Variants in TRIM63 observed in about 807,000 individuals in gnomAD.
TRIM63 encodes the protein E3 ubiquitin-protein ligase TRIM63.
A neutral mutation model predicts 46.0 loss-of-function variants in TRIM63; 48 were observed. The observed-to-expected ratio is 1.04, with a 90% CI of 0.83 to 1.33. TRIM63 has a LOEUF of 1.33. TRIM63 is among the 40% of genes most tolerant of loss of function. The pLI, the probability that TRIM63 is intolerant of heterozygous loss-of-function variation, is 0.00. For missense variants in TRIM63, 455 were observed against 441.2 expected (o/e 1.03, Z -0.28); for synonymous variants, 175 against 162.8 (o/e 1.08, Z -0.57).
chr1:26,054,974 A>G (rs1052298679), intron 7 of TRIM63, among the ~76,000 whole-genome samples: 3 of 151,954 alleles, frequency 2.0e-5, no homozygotes, highest in Non-Finnish European at 2.9e-5. Context: ...GTCTCAAAAA[A>G]AAAAAAAAAA....
chr1:26,067,575 G>C lies in TRIM63; in HGVS notation c.-81C>G, dbSNP rs2050690162. 1.7e-5 allele frequency: 25 copies of C among 1,504,302 alleles called. No individual in the cohort carries two copies. Among genetic ancestry groups the C allele is most frequent in the Non-Finnish European group, 2.2e-5 (25 of 1,111,510 alleles). 93.2% of individuals were successfully genotyped at this position (1,504,302 alleles called of 1,614,324 possible). On this transcript the variant is annotated 5_prime_UTR_variant, in exon 1 of 9. Transcript: ENST00000374272. ...AAGTAGACCTGGGGGTCTTGCCTTT[G>C]TCACAAAACACCGGGTCGGATCCTG...
chr1:26,061,317 C>A lies in TRIM63; in HGVS notation c.350G>T (p.Gly117Val), dbSNP rs771401489. The A allele has an allele frequency of 1.9e-6, 3 of 1,613,956 alleles. No individual in the cohort carries two copies. Among genetic ancestry groups the A allele is most frequent in the Non-Finnish European group, 2.5e-6 (3 of 1,179,960 alleles). Residue 117 changes from glycine to valine, a missense_variant, in exon 3 of 9, where the codon GGC becomes GTC. Coordinates refer to ENST00000374272, the MANE Select transcript of TRIM63 (RefSeq NM_032588.4). ...GTGCTCCTTGCACATGGGGTGACTGCCCTTCTGCAGCGGCCGACTGCAGTG... is the reference window on the plus strand; with the variant it reads ...GTGCTCCTTGCACATGGGGTGACTGACCTTCTGCAGCGGCCGACTGCAGTG... ...QECSSRPLQK[G>V]SHPMCKEHED...
intron 2 of TRIM63, among the ~76,000 whole-genome samples, chr1:26,065,936 G>A (rs896351730): frequency 6.6e-6 from 1 of 152,234 alleles, no homozygotes; most frequent in Non-Finnish European, 1.5e-5. Flanking sequence ...CAACCTGGCT[G>A]TTTCTCACCG....
chr1:26,066,413 C>T lies in TRIM63; in HGVS notation c.187G>A (p.Gly63Ser), dbSNP rs781284832. ...CCTCCAGACATGGACACTGAGCTGC[C>T]CCGGCTGGTCCAGTAGGGATTTGCA... ...QAANPYWTSR[G>S]SSVSMSGGRF... The change falls in exon 2 of 9, where the codon GGC (glycine) becomes AGC (serine). Residue 63 changes from glycine to serine, a missense_variant. Coordinates refer to ENST00000374272, the MANE Select transcript of TRIM63 (RefSeq NM_032588.4). 21 of 1,603,520 alleles carry T rather than the reference C, an allele frequency of 1.3e-5. No individual in the cohort carries two copies. Among genetic ancestry groups the T allele is most frequent in the African/African-American group, 4.0e-5 (3 of 74,808 alleles).
intron 2 of TRIM63, among the ~76,000 whole-genome samples, chr1:26,063,468 A>G (rs144417270): frequency 4.6e-5 from 7 of 152,046 alleles, no homozygotes; most frequent in Non-Finnish European, 1.0e-4. Flanking sequence ...GTCTTTTTGC[A>G]TAGTTTACCC....
intron 8 of TRIM63, among the ~76,000 whole-genome samples, chr1:26,052,419 G>C (rs527801815): frequency 3.3e-5 from 5 of 152,300 alleles, no homozygotes; most frequent in African/African-American, 1.2e-4. Context: ...GACTGGTGGT[G>C]GTGGGGCTGG....
chr1:26,057,449 A>G (rs1469139802), intron 6 of TRIM63, 122 bp from the exon 7 acceptor site: 6 of 1,428,854 alleles, frequency 4.2e-6, no homozygotes, highest in Non-Finnish European at 5.7e-6. Flanking sequence ...GGGATGGAGT[A>G]TTTCCTCTCC....
At chr1:26,056,342 T>C (rs2050570091) in intron 7 of TRIM63, among the ~76,000 whole-genome samples, 1 of 152,206 alleles carries the variant, frequency 6.6e-6, no homozygotes, top group African/African-American at 2.4e-5. Context: ...GAGGACATGA[T>C]GTTGATCAAT....
chr1:26,063,272 T>C (rs1006605528), intron 2 of TRIM63, among the ~76,000 whole-genome samples: 7 of 152,080 alleles, frequency 4.6e-5, no homozygotes, highest in African/African-American at 1.4e-4. Context: ...GGCTAGACTA[T>C]ACACTCATTG....
chr1:26,064,665 T>C (rs2050658612), intron 2 of TRIM63, among the ~76,000 whole-genome samples: 1 of 152,234 alleles, frequency 6.6e-6, no homozygotes, highest in Admixed American at 6.5e-5. Context: ...AAATGGTTGA[T>C]ACATTAACCA....
At chr1:26,052,272 G>T (rs1162938732) in intron 8 of TRIM63, among the ~76,000 whole-genome samples, 1 of 152,164 alleles carries the variant, frequency 6.6e-6, no homozygotes, top group Non-Finnish European at 1.5e-5. Context: ...CCCATACACA[G>T]ATGAGTAGCC....
chr1:26,060,094 C>G (rs1201979554), intron 4 of TRIM63, among the ~76,000 whole-genome samples, 172 bp downstream of exon 4: 2 of 152,142 alleles, frequency 1.3e-5, no homozygotes, highest in African/African-American at 2.4e-5. Flanking sequence ...GCTTAAGAAG[C>G]ATTTGTTGAG....
At chr1:26,066,178 A>G in intron 2 of TRIM63, 90 bp downstream of exon 2, 3 of 1,441,244 alleles carry the variant, frequency 2.1e-6, no homozygotes, top group African/African-American at 2.8e-5. Context: ...CTGGATCCTG[A>G]GCAGATGAAG....
At chr1:26,064,971 T>A (rs1168723713) in intron 2 of TRIM63, among the ~76,000 whole-genome samples, 1 of 152,184 alleles carries the variant, frequency 6.6e-6, no homozygotes, top group African/African-American at 2.4e-5. Flanking sequence ...TTTGTAAAGA[T>A]CTTTCCTGGA....
chr1:26,052,487 T>C (rs3008220), intron 8 of TRIM63, among the ~76,000 whole-genome samples: 133,404 of 152,134 alleles, frequency 0.88, 58,666 homozygotes, highest in East Asian at 0.93. Context: ...TTTTTTGAGA[T>C]GGAGTTTCAC....
intron 7 of TRIM63, among the ~76,000 whole-genome samples, chr1:26,055,139 G>C (rs1273897697): frequency 6.6e-6 from 1 of 152,172 alleles, no homozygotes; most frequent in Non-Finnish European, 1.5e-5. Flanking sequence ...GCTCAGTGTT[G>C]AATCTGCATC....
chr1:26,063,789 C>A (rs1323032246), intron 2 of TRIM63, among the ~76,000 whole-genome samples: 2 of 152,252 alleles, frequency 1.3e-5, no homozygotes, highest in African/African-American at 2.4e-5. Context: ...CGGCACAGAG[C>A]AGACCCTCAA....
At position 26,058,435 on chromosome 1, in the gene TRIM63, A is replaced by T. The variant is rs753790739; in HGVS notation, c.786T>A (p.Thr262=). 2 of 1,613,998 alleles carry T rather than the reference A, an allele frequency of 1.2e-6. No homozygotes were observed. The highest frequency in any genetic ancestry group is 1.6e-4 in the Middle Eastern group (1 of 6,082). ...QLDKSTKLVE[T]AIQSLDEPGG... Reference sequence around the variant, plus strand: ...CAGGCTCGTCCAGGGACTGGATGGCAGTTTCCACCAGCTTTGTGGACTTGT... The same window carrying T: ...CAGGCTCGTCCAGGGACTGGATGGCTGTTTCCACCAGCTTTGTGGACTTGT... Residue 262 remains threonine (T), a synonymous_variant, in exon 5 of 9, where the codon ACT becomes ACA. Coordinates refer to ENST00000374272, the MANE Select transcript of TRIM63 (RefSeq NM_032588.4).
intron 7 of TRIM63, among the ~76,000 whole-genome samples, chr1:26,055,571 C>T (rs1017036167): frequency 1.0e-4 from 15 of 149,722 alleles, no homozygotes; most frequent in Admixed American, 7.4e-4. Flanking sequence ...AGTGCAATGG[C>T]GTGATCACAG....
Sources: allele counts gnomAD v4.1 joint callset (sites outside exome capture counted in the v4.1 genomes callset), GRCh38; gene constraint gnomAD v4.1.1; transcripts MANE v1.5; gene names NCBI Gene and HGNC (gene_info 2026-07-23, HGNC 2026-07-21).